The following ICA1 variants were observed in gnomAD, a reference collection of about 807,000 sequenced individuals.
ICA1 encodes islet cell autoantigen 1, also known as 69 kDa islet cell autoantigen.
In ICA1, 40 loss-of-function variants were observed where a neutral mutation model predicts 71.0. The ratio of observed to expected loss-of-function variants is 0.56; its 90% CI spans 0.44 to 0.73. The LOEUF is 0.73. ICA1 is among the 30% of genes least tolerant of loss of function. The probability of loss-of-function intolerance (pLI) is 0.00; values close to 1 mark genes in which losing one functional copy is unlikely to be tolerated. For missense variants in ICA1, 578 were observed against 576.5 expected (o/e 1.00, Z -0.03); for synonymous variants, 207 against 209.5 (o/e 0.99, Z 0.10).
At chr7:8,213,516 C>G (rs916988274) in intron 6 of ICA1, among the ~76,000 whole-genome samples, 7 of 152,228 alleles carry the variant, frequency 4.6e-5, no homozygotes, top group Non-Finnish European at 1.0e-4. Flanking sequence ...AGGCCTTCGT[C>G]CTACAGCCTG....
chr7:8,232,667 C>G lies in ICA1; in HGVS notation c.106G>C (p.Ala36Pro), dbSNP rs1326826607. 2.5e-6 allele frequency: 4 copies of G among 1,613,436 alleles called. No homozygotes were observed. Among genetic ancestry groups the G allele is most frequent in the Non-Finnish European group, 2.5e-6 (3 of 1,179,734 alleles). Residue 36 changes from alanine to proline, a missense_variant, in exon 3 of 14, where the codon GCC (alanine) becomes CCC (proline). Physicochemically the swap from Ala to Pro is conservative, Grantham distance 27. Coordinates refer to ENST00000402384, the MANE Select transcript of ICA1 (RefSeq NM_001136020.3). ...MQQKYWETKQAFIKATGKKED... is the reference protein window; with the variant it reads ...MQQKYWETKQPFIKATGKKED... ...TTCTTCCCTGTGGCTTTAATAAAGG[C>G]CTGCTTCGTCTCCCAATATTTCTGT...
chr7:8,236,065 G>A (rs551386816), intron 1 of ICA1, 60 bp from the exon 2 acceptor site: 5 of 910,064 alleles, frequency 5.5e-6, no homozygotes, highest in African/African-American at 3.4e-5. Flanking sequence ...ATATTAATGT[G>A]ACACACATAA....
chr7:8,121,298 A>T (rs1376440368), intron 13 of ICA1, among the ~76,000 whole-genome samples: 2 of 152,224 alleles, frequency 1.3e-5, no homozygotes, highest in Non-Finnish European at 2.9e-5. Flanking sequence ...CCAGCCAGCC[A>T]GCAAGTACTT....
intron 6 of ICA1, among the ~76,000 whole-genome samples, chr7:8,199,111 G>A (rs909255411): frequency 1.3e-5 from 2 of 152,214 alleles, no homozygotes; most frequent in African/African-American, 4.8e-5. Context: ...TGGCAAGGAT[G>A]TGGAGAAAAG....
At chr7:8,233,238 A>G (rs1157474170) in intron 2 of ICA1, among the ~76,000 whole-genome samples, 1 of 152,226 alleles carries the variant, frequency 6.6e-6, no homozygotes, top group Non-Finnish European at 1.5e-5. Flanking sequence ...AATCTAAAAT[A>G]GTCAAACTCA....
chr7:8,252,212 T>C (rs1401721276), intron 1 of ICA1, among the ~76,000 whole-genome samples: 1 of 152,252 alleles, frequency 6.6e-6, no homozygotes, highest in Non-Finnish European at 1.5e-5. Flanking sequence ...TCTGTATTTA[T>C]GGTGGTGTTT....
Position 8,130,933 on chromosome 7 carries a change from C to A in ICA1, c.1061-2791G>T, listed in dbSNP as rs1791222016. Among the ~76,000 whole-genome samples the A allele has an allele frequency of 6.6e-6, 1 of 152,152 alleles. No individual in the cohort carries two copies. The highest frequency in any genetic ancestry group is 6.5e-5 in the Admixed American group (1 of 15,274). On this transcript the variant is annotated intron_variant, in intron 12 of 13. Coordinates refer to ENST00000402384, the MANE Select transcript of ICA1 (RefSeq NM_001136020.3). This position sits in a 1 kb window ranked among gnomAD's most constrained non-coding sequence, Gnocchi z 4.2. ...TTCAGTTTTCCCTTTGGGAAAATGC[C>A]TTCTCCATGTGATCCTGGTGAGATG...
intron 3 of ICA1, among the ~76,000 whole-genome samples, chr7:8,231,079 G>T (rs1192988549): frequency 6.6e-6 from 1 of 152,268 alleles, no homozygotes; most frequent in African/African-American, 2.4e-5. Context: ...GTGAGCAGGG[G>T]TGGGGTAGGT....
intron 1 of ICA1, among the ~76,000 whole-genome samples, chr7:8,251,012 C>A (rs999493377): frequency 3.2e-4 from 48 of 152,014 alleles, no homozygotes; most frequent in East Asian, 1.2e-3. Flanking sequence ...TGATCCCCCC[C>A]ACCTCAGCCT....
chr7:8,256,499 C>A (rs554674379), intron 1 of ICA1, among the ~76,000 whole-genome samples: 2 of 152,262 alleles, frequency 1.3e-5, no homozygotes, highest in African/African-American at 2.4e-5. Flanking sequence ...ATGCCCTCCC[C>A]CTCCTTTGTC....
rs201878957 is a variant in ICA1, at chr7:8,138,895, G to A, written c.1019-14C>T. 2.4e-5 allele frequency: 38 copies of A among 1,603,776 alleles called. No homozygotes were observed. Among genetic ancestry groups the A allele is most frequent in the Middle Eastern group, 1.7e-4 (1 of 6,058 alleles). On this transcript the variant is annotated splice_polypyrimidine_tract_variant and intron_variant, in intron 11 of 13. Transcript: ENST00000402384. ...CATCTATGGGTCCTTTAGAGAAGAG[G>A]AAAGAAAACAAAATTATAAGTCAGT...
chr7:8,238,070 A>G (rs1032105251), intron 1 of ICA1, among the ~76,000 whole-genome samples: 1 of 152,206 alleles, frequency 6.6e-6, no homozygotes, highest in Non-Finnish European at 1.5e-5. Context: ...CGTTTTGCCT[A>G]AAGTTGCAGT....
chr7:8,180,179 C>T (rs1781784855), intron 6 of ICA1, among the ~76,000 whole-genome samples: 1 of 151,978 alleles, frequency 6.6e-6, no homozygotes, highest in Non-Finnish European at 1.5e-5. Context: ...TGTATTCTAT[C>T]CCCAGTCAAT....
chr7:8,124,915 A>T (rs1250683048), intron 13 of ICA1, among the ~76,000 whole-genome samples: 1 of 151,846 alleles, frequency 6.6e-6, no homozygotes, highest in Non-Finnish European at 1.5e-5. Flanking sequence ...CAGCCTCCCG[A>T]GTAGCTGGAC....
chr7:8,131,882 G>A (rs1170073595), intron 12 of ICA1, among the ~76,000 whole-genome samples: 1 of 152,214 alleles, frequency 6.6e-6, no homozygotes, highest in African/African-American at 2.4e-5. Flanking sequence ...AGCTCTTTGG[G>A]AGAAACTCTA....
intron 6 of ICA1, among the ~76,000 whole-genome samples, chr7:8,207,617 G>A (rs1227032655): frequency 1.3e-5 from 2 of 152,182 alleles, no homozygotes; most frequent in African/African-American, 2.4e-5. Context: ...GAGACAAAGC[G>A]AAGACACTTT....
At chr7:8,143,558 G>C (rs533803661) in intron 9 of ICA1, among the ~76,000 whole-genome samples, 22 of 152,318 alleles carry the variant, frequency 1.4e-4, no homozygotes, top group Admixed American at 5.2e-4. Flanking sequence ...ACCAGAGAAA[G>C]TGCAAAGCTG....
chr7:8,128,096 G>C lies in ICA1; in HGVS notation c.1107C>G (p.Asp369Glu), dbSNP rs375337869. Residue 369 changes from aspartate (D) to glutamate (E), a missense_variant, in exon 13 of 14, where the codon GAC becomes GAG. Physicochemically the swap from Asp to Glu is conservative, Grantham distance 45. Transcript: ENST00000402384. ...VAGTPEPEGA[D>E]KDDLLLLSEI... Reference sequence around the variant, plus strand: ...CACTCAACAGCAGCAGGTCATCTTTGTCAGCACCTTCAGGTTCCGGGGTCC... The same window carrying C: ...CACTCAACAGCAGCAGGTCATCTTTCTCAGCACCTTCAGGTTCCGGGGTCC... 5.6e-6 allele frequency: 9 copies of C among 1,614,068 alleles called. No individual in the cohort carries two copies. The highest frequency in any genetic ancestry group is 7.6e-6 in the Non-Finnish European group (9 of 1,180,044).
intron 3 of ICA1, among the ~76,000 whole-genome samples, chr7:8,231,983 C>T (rs1800416324): frequency 6.6e-6 from 1 of 152,062 alleles, no homozygotes; most frequent in African/African-American, 2.4e-5. Flanking sequence ...CCTCTCAGTG[C>T]CCTGTTATTT....
Sources: allele counts gnomAD v4.1 joint callset (sites outside exome capture counted in the v4.1 genomes callset), GRCh38; gene constraint gnomAD v4.1.1; non-coding constraint Gnocchi (gnomAD v3.1); transcripts MANE v1.5; gene names NCBI Gene and HGNC (gene_info 2026-07-23, HGNC 2026-07-21).